TNPO1: variants seen among roughly 807,000 people sequenced by gnomAD.
TNPO1 encodes the protein transportin 1, also known as transportin-1.
A neutral mutation model predicts 119.5 loss-of-function variants in TNPO1; 8 were observed. The ratio of observed to expected loss-of-function variants is 0.07; its 90% CI spans 0.04 to 0.12. The LOEUF (loss-of-function observed/expected upper bound fraction) is 0.12, where lower values mean the gene tolerates loss of function less well. Ranked by LOEUF, TNPO1 falls within the 10% of genes least tolerant of loss-of-function variation. The pLI is 1.00. For synonymous variants in TNPO1, 362 were observed against 363.0 expected, an observed-to-expected ratio of 1.00 and a Z score of 0.03; for missense variants, 576 against 1,089.8, an observed-to-expected ratio of 0.53 and a Z score of 6.64.
At chr5:72,872,756 G>T in intron 7 of TNPO1, 36 bp downstream of exon 7, 1 of 1,439,404 alleles carries the variant, frequency 6.9e-7, no homozygotes, top group Non-Finnish European at 9.5e-7. Context: ...CAACCCCCCA[G>T]CTTTTTTTTT....
intron 1 of TNPO1, among the ~76,000 whole-genome samples, chr5:72,846,404 GTTAGTA>G (rs369477183): frequency 1.3e-4 from 19 of 151,584 alleles, no homozygotes; most frequent in African/African-American, 4.4e-4. Context: ...ACGTTGTAGA[GTTAGTA>G]TTAGTGTAGT....
At chr5:72,873,447 G>A (rs533960213) in intron 7 of TNPO1, among the ~76,000 whole-genome samples, 28 of 151,992 alleles carry the variant, frequency 1.8e-4, no homozygotes, top group South Asian at 1.7e-3. Context: ...TTTTTTTCTC[G>A]TCACTTAAAT....
At chr5:72,902,676 G>A (rs1344226443) in intron 22 of TNPO1, among the ~76,000 whole-genome samples, 2 of 152,006 alleles carry the variant, frequency 1.3e-5, no homozygotes, top group Non-Finnish European at 2.9e-5. Flanking sequence ...GCACATGTAT[G>A]ATCATAAAAT....
At chr5:72,821,876 G>T (rs1732091952) in intron 1 of TNPO1, among the ~76,000 whole-genome samples, 1 of 152,132 alleles carries the variant, frequency 6.6e-6, no homozygotes, top group Non-Finnish European at 1.5e-5. Flanking sequence ...CGGTTCAGGG[G>T]CCCTGAAAGG....
At chr5:72,850,100 C>G (rs905936074) in intron 2 of TNPO1, among the ~76,000 whole-genome samples, 88 of 152,150 alleles carry the variant, frequency 5.8e-4, no homozygotes, top group Non-Finnish European at 1.1e-3. Context: ...GCTAAGAATA[C>G]ATACTGCTGT....
chr5:72,872,489 C>A, intron 6 of TNPO1, 150 bp from the exon 7 acceptor site: 1 of 530,862 alleles, frequency 1.9e-6, no homozygotes, highest in Non-Finnish European at 3.3e-6. Context: ...AAATTCTTTC[C>A]TTGTTGATAC....
rs1354849233 is a variant in TNPO1, at chr5:72,912,713, C to G, written c.*4040C>G. Reference sequence around the variant, plus strand: ...AATAGGAAAGTGGAAATTTTTCTCCCCTATATAAAATTATTCTGCCTAGCA... The same window carrying G: ...AATAGGAAAGTGGAAATTTTTCTCCGCTATATAAAATTATTCTGCCTAGCA... On this transcript the variant is annotated 3_prime_UTR_variant, in exon 25 of 25. Transcript: ENST00000337273. The G allele has an allele frequency of 6.6e-6, 1 of 152,124 alleles. No homozygotes were observed. Among genetic ancestry groups the G allele is most frequent in the Non-Finnish European group, 1.5e-5 (1 of 67,864 alleles). 9.4% of individuals were successfully genotyped at this position (152,124 alleles called of 1,614,324 possible).
In TNPO1 at chr5:72,875,837, G is replaced by A; in HGVS notation, c.801+100G>A. The A allele has an allele frequency of 2.3e-6, 3 of 1,321,116 alleles. No individual in the cohort carries two copies. The South Asian group carries it at 4.7e-5, about 21-fold the overall frequency. The allele number at this position is 1,321,116 out of a possible 1,614,324, so 81.8% of individuals were successfully genotyped here. A position where few individuals can be genotyped will look rare whatever the true frequency, so the allele number is the denominator to read the frequency against. ...CGGATGGGAAGGGGACTATAAAATA[G>A]TTATAATTGTCTTAAAATTATAAGT... On this transcript the variant is annotated intron_variant, in intron 8 of 24. Coordinates refer to ENST00000337273, the MANE Select transcript of TNPO1 (RefSeq NM_002270.4).
intron 1 of TNPO1, among the ~76,000 whole-genome samples, chr5:72,836,560 A>G (rs1245283719): frequency 1.3e-5 from 2 of 152,180 alleles, no homozygotes; most frequent in East Asian, 1.9e-4. Context: ...AGTCCCAACC[A>G]TCTCTGAAAT....
At chr5:72,890,727 T>G (rs1485931152) in intron 14 of TNPO1, among the ~76,000 whole-genome samples, 1 of 152,204 alleles carries the variant, frequency 6.6e-6, no homozygotes, top group African/African-American at 2.4e-5. Context: ...TATGGATCAT[T>G]CTTTAGTTTG....
chr5:72,858,374 C>T (rs952437599), intron 4 of TNPO1, among the ~76,000 whole-genome samples: 1 of 152,116 alleles, frequency 6.6e-6, no homozygotes, highest in Non-Finnish European at 1.5e-5. Flanking sequence ...CTAGATAAAA[C>T]AGCTATGAGC....
chr5:72,905,159 G>T (rs1212075328), intron 23 of TNPO1, 144 bp from the exon 24 acceptor site: 1 of 617,738 alleles, frequency 1.6e-6, no homozygotes, highest in Non-Finnish European at 2.8e-6. Flanking sequence ...GCAGGGAATG[G>T]TGTAGAATCC....
Position 72,843,048 on chromosome 5 carries a change from G to A in TNPO1, c.16-5337G>A, listed in dbSNP as rs985437637. On this transcript the variant is annotated intron_variant, in intron 1 of 24. Coordinates refer to ENST00000337273, the MANE Select transcript of TNPO1 (RefSeq NM_002270.4). ...TCATTTACCATAGTCATTCTCCACT[G>A]AGGCAGTGCTGCTCTCTGGAGGTGT... Among the ~76,000 whole-genome samples the A allele has an allele frequency of 9.5e-4, 145 of 152,160 alleles. 1 individual carries two copies. The highest frequency in any genetic ancestry group is 3.4e-3 in the African/African-American group (142 of 41,422).
intron 18 of TNPO1, among the ~76,000 whole-genome samples, chr5:72,894,342 T>C (rs541774710): frequency 7.9e-5 from 12 of 151,976 alleles, no homozygotes; most frequent in African/African-American, 2.2e-4. Flanking sequence ...GGGATTTTTT[T>C]CCCCCTTTTC....
chr5:72,862,469 A>G (rs915160403), intron 5 of TNPO1: 1 of 151,470 alleles, frequency 6.6e-6, no homozygotes, highest in African/African-American at 2.4e-5. Flanking sequence ...GACTACAGGC[A>G]TGTACTACCA....
chr5:72,889,787 G>A lies in TNPO1; in HGVS notation c.1531G>A (p.Ala511Thr). Residue 511 changes from alanine (A) to threonine (T), a missense_variant and splice_region_variant, in exon 14 of 25, where the codon GCC (alanine) becomes ACC (threonine). By Grantham distance (58) the Ala-to-Thr change is moderately conservative. Transcript: ENST00000337273. ...NKRVQEAACS[A>T]FATLEEEACT... ...TTCTTTTTTTTTTTTTTTAAACAGT[G>A]CCTTTGCTACCCTAGAAGAGGAGGC... is the stretch of plus-strand genomic sequence containing the variant. The A allele has an allele frequency of 6.4e-7, 1 of 1,551,392 alleles. No homozygotes were observed. Among genetic ancestry groups the A allele is most frequent in the Non-Finnish European group, 8.7e-7 (1 of 1,154,662 alleles).
In TNPO1 at chr5:72,904,757, G is replaced by A. The variant is rs192908988; in HGVS notation, c.2590-546G>A. Among the ~76,000 whole-genome samples the A allele has an allele frequency of 3.4e-3, 511 of 152,200 alleles. 4 individuals are homozygous for A. The highest frequency in any genetic ancestry group is 5.3e-3 in the Non-Finnish European group (358 of 68,012). ...GGTTGCAGTGAGCCAAGATCATGCC[G>A]TTGCACTCCAGCATGAGCAATAAGA... is the stretch of plus-strand genomic sequence containing the variant. On this transcript the variant is annotated intron_variant, in intron 23 of 24. Transcript: ENST00000337273.
chr5:72,905,498 C>T, intron 24 of TNPO1, 53 bp downstream of exon 24: 2 of 846,484 alleles, frequency 2.4e-6, no homozygotes, highest in Non-Finnish European at 3.8e-6. Flanking sequence ...TTTGTTAGGG[C>T]TGTCATTTCA....
intron 1 of TNPO1, among the ~76,000 whole-genome samples, chr5:72,819,131 C>A (rs964111387): frequency 6.6e-6 from 1 of 152,084 alleles, no homozygotes; most frequent in Non-Finnish European, 1.5e-5. Context: ...AGAAGCAAGG[C>A]GCCGCCATCT....
Sources: gnomAD v4.1 joint callset for allele counts (sites outside exome capture counted in the v4.1 genomes callset) on GRCh38, gnomAD v4.1.1 for gene constraint, MANE v1.5 for transcripts, NCBI Gene and HGNC (gene_info 2026-07-23, HGNC 2026-07-21) for gene names.